The following SH3PXD2A variants were observed in gnomAD, a reference collection of about 807,000 sequenced individuals.
The protein encoded by SH3PXD2A is SH3 and PX domains 2A.
SH3PXD2A carries 32 observed loss-of-function variants against 115.2 expected under a neutral mutation model. The observed-to-expected ratio is 0.28, with a 90% CI of 0.21 to 0.37. The LOEUF (loss-of-function observed/expected upper bound fraction) is 0.37, where lower values mean the gene tolerates loss of function less well. Ranked by LOEUF, SH3PXD2A falls within the 10% of genes least tolerant of loss-of-function variation. The pLI, the probability that SH3PXD2A is intolerant of heterozygous loss-of-function variation, is 1.00. For synonymous variants in SH3PXD2A, 610 were observed against 629.1 expected, an observed-to-expected ratio of 0.97 and a Z score of 0.45; for missense variants, 1,328 against 1,498.7, an observed-to-expected ratio of 0.89 and a Z score of 1.88.
In SH3PXD2A at chr10:103,665,900, C is replaced by G. The variant is rs2037378279; in HGVS notation, c.472+2708G>C. The stretch of plus-strand genomic sequence containing the variant: ...GAGCCTCTCCTGGGTTGGAAGGGGC[C>G]TTTGCATGAGTCTGATCCAGAGATG... On this transcript the variant is annotated intron_variant, in intron 7 of 14. Transcript: ENST00000369774. The surrounding 1 kb of genome is among the most constrained non-coding windows in gnomAD (Gnocchi z 4.0). Among the ~76,000 whole-genome samples, 1 of 152,098 alleles carries G rather than the reference C, an allele frequency of 6.6e-6. No individual in the cohort carries two copies. Among genetic ancestry groups the G allele is most frequent in the Non-Finnish European group, 1.5e-5 (1 of 68,014 alleles).
intron 2 of SH3PXD2A, among the ~76,000 whole-genome samples, chr10:103,793,122 A>G (rs768446809): frequency 1.1e-4 from 17 of 152,202 alleles, no homozygotes; most frequent in Non-Finnish European, 2.2e-4. Context: ...TTAATGTTGC[A>G]AATAATATAT....
chr10:103,835,741 C>A (rs1280456007), intron 1 of SH3PXD2A, among the ~76,000 whole-genome samples: 1 of 152,152 alleles, frequency 6.6e-6, no homozygotes, highest in Non-Finnish European at 1.5e-5. Flanking sequence ...TGGGTCACAA[C>A]AACTTTTCCC....
chr10:103,843,730 G>A (rs1589481337), intron 1 of SH3PXD2A, among the ~76,000 whole-genome samples: 2 of 152,118 alleles, frequency 1.3e-5, no homozygotes, highest in East Asian at 3.9e-4. Flanking sequence ...GAGCTCCCTA[G>A]CTCCCCATCC....
chr10:103,738,243 C>T (rs372910055), intron 3 of SH3PXD2A, among the ~76,000 whole-genome samples: 10 of 152,248 alleles, frequency 6.6e-5, no homozygotes, highest in East Asian at 1.9e-4. Flanking sequence ...ACACTGGCGA[C>T]GCCGCTGTTC....
Position 103,623,984 on chromosome 10 carries a change from C to G in SH3PXD2A, c.719-1431G>C, listed in dbSNP as rs181658505. On this transcript the variant is annotated intron_variant, in intron 9 of 14. Coordinates refer to ENST00000369774, the MANE Select transcript of SH3PXD2A (RefSeq NM_001394015.1). ...CCCAGTTTAAACCATGTACAAAGAT[C>G]ATCTCACTTGGGCCTCACAAAAGCC... is the stretch of plus-strand genomic sequence containing the variant. 8.5e-5 allele frequency among the ~76,000 whole-genome samples: 13 copies of G among 152,362 alleles called. No individual in the cohort carries two copies. The East Asian group carries it at 2.5e-3, about 29-fold the overall frequency.
intron 5 of SH3PXD2A, among the ~76,000 whole-genome samples, chr10:103,710,591 G>A (rs986796470): frequency 1.3e-5 from 2 of 152,158 alleles, no homozygotes; most frequent in African/African-American, 2.4e-5. Flanking sequence ...CAGCTAGCAC[G>A]AGGGATATGG....
At chr10:103,788,969 C>T (rs1019442201) in intron 2 of SH3PXD2A, among the ~76,000 whole-genome samples, 4 of 152,116 alleles carry the variant, frequency 2.6e-5, no homozygotes, top group South Asian at 4.1e-4. Context: ...CAGCCTGGGG[C>T]GGGGGCTGCT....
chr10:103,831,441 C>T (rs1368022442), intron 1 of SH3PXD2A, among the ~76,000 whole-genome samples: 5 of 152,324 alleles, frequency 3.3e-5, no homozygotes, highest in Non-Finnish European at 5.9e-5. Context: ...GCCAGGTGAC[C>T]TCTTTGGCCA....
intron 8 of SH3PXD2A, among the ~76,000 whole-genome samples, chr10:103,642,533 A>G (rs2036970940): frequency 6.6e-6 from 1 of 152,210 alleles, no homozygotes; most frequent in Non-Finnish European, 1.5e-5. Context: ...CCAACGTCAG[A>G]CTAGTGTGGT....
chr10:103,739,545 G>A (rs190621170), intron 3 of SH3PXD2A, among the ~76,000 whole-genome samples: 1 of 152,064 alleles, frequency 6.6e-6, no homozygotes, highest in Non-Finnish European at 1.5e-5. Context: ...AAGCCAAACC[G>A]GTGACCGTAT....
intron 7 of SH3PXD2A, 64 bp from the exon 8 acceptor site, chr10:103,661,178 C>G: frequency 6.4e-7 from 1 of 1,573,228 alleles, no homozygotes; most frequent in South Asian, 1.2e-5. Context: ...CCAGGGCGCC[C>G]CCTGTCCATC....
At chr10:103,763,226 A>C (rs958458274) in intron 3 of SH3PXD2A, among the ~76,000 whole-genome samples, 4 of 152,094 alleles carry the variant, frequency 2.6e-5, no homozygotes, top group African/African-American at 9.7e-5. Context: ...CAGCCAGTAA[A>C]ATTTCTATGA....
intron 5 of SH3PXD2A, among the ~76,000 whole-genome samples, chr10:103,695,205 G>A (rs1185357501): frequency 6.6e-6 from 1 of 152,168 alleles, no homozygotes; most frequent in Non-Finnish European, 1.5e-5. Context: ...CCCCCTGGCT[G>A]CCAGTAGCCC....
chr10:103,793,546 G>A (rs1330381448), intron 2 of SH3PXD2A, among the ~76,000 whole-genome samples: 2 of 152,220 alleles, frequency 1.3e-5, no homozygotes, highest in Non-Finnish European at 2.9e-5. Flanking sequence ...ACATGAGGCT[G>A]TCTGTGCCTG....
intron 2 of SH3PXD2A, among the ~76,000 whole-genome samples, chr10:103,770,711 G>T (rs994727012): frequency 6.6e-6 from 1 of 152,116 alleles, no homozygotes; most frequent in African/African-American, 2.4e-5. Context: ...CCATGGGGGT[G>T]GGGGATGACT....
In SH3PXD2A at chr10:103,661,204, G is replaced by A. The variant is rs1039456043; in HGVS notation, c.473-90C>T. 3 of 1,470,604 alleles carry A rather than the reference G, an allele frequency of 2.0e-6. No individual in the cohort carries two copies. In the African/African-American group the frequency reaches 4.3e-5, roughly 21 times the overall value. 91.1% of individuals were successfully genotyped at this position (1,470,604 alleles called of 1,614,324 possible). ...CCTGTCCATCGGCCTCCTCGGGGGTGGCTGCTCTGTCGCCAGCGCCGCTCC... is the reference window on the plus strand; with the variant it reads ...CCTGTCCATCGGCCTCCTCGGGGGTAGCTGCTCTGTCGCCAGCGCCGCTCC... On this transcript the variant is annotated intron_variant, in intron 7 of 14. Transcript: ENST00000369774.
intron 10 of SH3PXD2A, among the ~76,000 whole-genome samples, chr10:103,621,613 C>T (rs1238359341): frequency 6.6e-6 from 1 of 152,250 alleles, no homozygotes; most frequent in Non-Finnish European, 1.5e-5. Context: ...TGTGCCGTCA[C>T]TGTGAGAAGC....
At chr10:103,708,157 G>A (rs781071766) in intron 5 of SH3PXD2A, among the ~76,000 whole-genome samples, 5 of 152,196 alleles carry the variant, frequency 3.3e-5, no homozygotes, top group Non-Finnish European at 7.3e-5. Context: ...ACATGAGCCT[G>A]GCCTCCTCCC....
chr10:103,631,584 A>G (rs984962300), intron 8 of SH3PXD2A, among the ~76,000 whole-genome samples: 3 of 152,190 alleles, frequency 2.0e-5, no homozygotes, highest in Non-Finnish European at 2.9e-5. Context: ...AAGGTCCCCC[A>G]TCGTGAGCCA....
Sources: allele counts gnomAD v4.1 joint callset (sites outside exome capture counted in the v4.1 genomes callset), GRCh38; gene constraint gnomAD v4.1.1; non-coding constraint Gnocchi (gnomAD v3.1); transcripts MANE v1.5; gene names NCBI Gene and HGNC (gene_info 2026-07-23, HGNC 2026-07-21).